Variants in PTPRD observed in about 807,000 individuals in gnomAD.
PTPRD encodes the protein protein tyrosine phosphatase receptor type D, also known as receptor-type tyrosine-protein phosphatase delta.
Under a neutral mutation model 214.5 loss-of-function variants are expected in PTPRD, and 34 were observed. That is an observed-to-expected ratio of 0.16 (90% CI 0.12 to 0.21). The LOEUF (loss-of-function observed/expected upper bound fraction) is 0.21, where lower values mean the gene tolerates loss of function less well. Among genes scored for constraint, PTPRD ranks in the 10% least tolerant of loss-of-function variants. The pLI is 1.00. For missense variants in PTPRD, 2,545 were observed against 2,398.7 expected, an observed-to-expected ratio of 1.06 and a Z score of -1.27; for synonymous variants, 1,128 against 845.7, an observed-to-expected ratio of 1.33 and a Z score of -5.79.
intron 9 of PTPRD, among the ~76,000 whole-genome samples, chr9:9,350,527 A>C (rs550331855): frequency 6.6e-6 from 1 of 152,144 alleles, no homozygotes; most frequent in East Asian, 1.9e-4. Context: ...TTGTGTCAAC[A>C]ATCTGTTTTC....
intron 9 of PTPRD, among the ~76,000 whole-genome samples, chr9:9,373,522 C>G (rs1329785004): frequency 6.6e-6 from 1 of 152,024 alleles, no homozygotes; most frequent in Non-Finnish European, 1.5e-5. Context: ...AGGACTGGTT[C>G]TTTCTGGAGT....
chr9:8,609,188 A>G (rs2095351264), intron 14 of PTPRD, among the ~76,000 whole-genome samples: 1 of 152,212 alleles, frequency 6.6e-6, no homozygotes, highest in Non-Finnish European at 1.5e-5. Context: ...AGAAAAGCTG[A>G]TATTCCGGGA....
chr9:8,511,811 G>A (rs2097688288), intron 21 of PTPRD, among the ~76,000 whole-genome samples: 1 of 152,100 alleles, frequency 6.6e-6, no homozygotes, highest in African/African-American at 2.4e-5. Context: ...AGAAATGTGA[G>A]CTATCGAGTC....
rs989257779 is a variant in PTPRD, at chr9:9,580,047, C to T, written c.-286-5266G>A. Reference sequence around the variant, plus strand: ...AGACATGTTTCATCTTTTTTATGGCCGAATAGTGTTCCATACTATTGTGTG... The same window carrying T: ...AGACATGTTTCATCTTTTTTATGGCTGAATAGTGTTCCATACTATTGTGTG... On this transcript the variant is annotated intron_variant, in intron 7 of 45. Coordinates refer to ENST00000381196, the MANE Select transcript of PTPRD (RefSeq NM_002839.4). Among the ~76,000 whole-genome samples the T allele has an allele frequency of 3.9e-5, 6 of 151,968 alleles. No individual in the cohort carries two copies. In the East Asian group the frequency reaches 1.2e-3, roughly 29 times the overall value.
chr9:8,452,850 A>G (rs2096014548), intron 33 of PTPRD, among the ~76,000 whole-genome samples: 2 of 152,228 alleles, frequency 1.3e-5, no homozygotes, highest in African/African-American at 2.4e-5. Context: ...AAAAAAACAA[A>G]GAGAAGTTGA....
chr9:9,848,460 A>G (rs1425414681), intron 5 of PTPRD, among the ~76,000 whole-genome samples: 1 of 152,144 alleles, frequency 6.6e-6, no homozygotes, highest in South Asian at 2.1e-4. Flanking sequence ...TTTATCCATT[A>G]ATAAGCATTT....
chr9:10,163,596 T>C (rs1477949752), intron 3 of PTPRD, among the ~76,000 whole-genome samples: 1 of 151,488 alleles, frequency 6.6e-6, no homozygotes, highest in Non-Finnish European at 1.5e-5. Context: ...GTTTATTTTC[T>C]ATATATAGAT....
intron 3 of PTPRD, among the ~76,000 whole-genome samples, chr9:10,298,610 T>C (rs995865001): frequency 6.6e-6 from 1 of 152,090 alleles, no homozygotes; most frequent in Non-Finnish European, 1.5e-5. Context: ...TGTGAAGATA[T>C]AGACAAAATA....
At chr9:8,414,637 T>C (rs550910824) in intron 35 of PTPRD, among the ~76,000 whole-genome samples, 13 of 151,978 alleles carry the variant, frequency 8.6e-5, no homozygotes, top group South Asian at 2.1e-4. Context: ...TTGAGTTAGG[T>C]AGTCCCTACA....
chr9:9,403,272 C>T (rs1416219288), intron 8 of PTPRD, among the ~76,000 whole-genome samples: 1 of 94,962 alleles, frequency 1.1e-5, no homozygotes, highest in South Asian at 3.6e-4. Flanking sequence ...GTCTAGGCGA[C>T]AGAGGAATAC....
intron 2 of PTPRD, among the ~76,000 whole-genome samples, chr9:10,382,248 A>C (rs2154484564): frequency 6.6e-6 from 1 of 152,108 alleles, no homozygotes; most frequent in African/African-American, 2.4e-5. Flanking sequence ...TAATATAGGC[A>C]TTTAAAGCCT....
At chr9:9,166,305 G>C (rs1274295619) in intron 10 of PTPRD, among the ~76,000 whole-genome samples, 1 of 151,986 alleles carries the variant, frequency 6.6e-6, no homozygotes, top group Admixed American at 6.6e-5. Flanking sequence ...TCTGGACTTG[G>C]TGGATGTCCA....
At chr9:9,448,723 T>G (rs1383066498) in intron 8 of PTPRD, among the ~76,000 whole-genome samples, 1 of 152,054 alleles carries the variant, frequency 6.6e-6, no homozygotes. Flanking sequence ...TGGAGTCCTT[T>G]AAGACCAGGT....
intron 12 of PTPRD, among the ~76,000 whole-genome samples, chr9:8,707,454 T>A (rs2098233785): frequency 6.6e-6 from 1 of 152,244 alleles, no homozygotes; most frequent in Non-Finnish European, 1.5e-5. Flanking sequence ...AAAGCCCCTT[T>A]CAAACATCCA....
chr9:9,412,276 T>C (rs2075690452), intron 8 of PTPRD, among the ~76,000 whole-genome samples: 1 of 152,164 alleles, frequency 6.6e-6, no homozygotes, highest in Admixed American at 6.5e-5. Flanking sequence ...GTAAATTTGG[T>C]ATTTGTGGCA....
chr9:10,205,974 T>A (rs1411996586), intron 3 of PTPRD, among the ~76,000 whole-genome samples: 1 of 151,834 alleles, frequency 6.6e-6, no homozygotes, highest in Non-Finnish European at 1.5e-5. Flanking sequence ...CACAATGAGC[T>A]TTTAATCTAG....
At chr9:9,527,545 T>C (rs75511464) in intron 8 of PTPRD, among the ~76,000 whole-genome samples, 5,061 of 152,320 alleles carry the variant, frequency 0.033, 286 homozygotes, top group African/African-American at 0.11. Context: ...TCTTGCATTA[T>C]TTTCTAATCA....
At chr9:10,180,371 T>C (rs13292417) in intron 3 of PTPRD, among the ~76,000 whole-genome samples, 11,249 of 151,952 alleles carry the variant, frequency 0.074, 606 homozygotes, top group African/African-American at 0.15. Context: ...CTTTCATCAC[T>C]GACCTCCTTT....
intron 11 of PTPRD, among the ~76,000 whole-genome samples, chr9:8,758,641 AG>A (rs2094186652): frequency 6.6e-6 from 1 of 152,248 alleles, no homozygotes; most frequent in Non-Finnish European, 1.5e-5. Flanking sequence ...TTTTTTAAAA[AG>A]AATTTCTGAC....
Sources: allele counts gnomAD v4.1 joint callset (sites outside exome capture counted in the v4.1 genomes callset), GRCh38; gene constraint gnomAD v4.1.1; transcripts MANE v1.5; gene names NCBI Gene and HGNC (gene_info 2026-07-23, HGNC 2026-07-21).